Variants in ANKRD18A observed in about 807,000 individuals in gnomAD.
The protein encoded by ANKRD18A is ankyrin repeat domain-containing protein 18A.
In ANKRD18A, 72 loss-of-function variants were observed where a neutral mutation model predicts 110.6. That is an observed-to-expected ratio of 0.65 (90% CI 0.54 to 0.79). The LOEUF (loss-of-function observed/expected upper bound fraction) is 0.79. Among genes scored for constraint, ANKRD18A ranks in the 30% least tolerant of loss-of-function variants. The pLI, the probability that ANKRD18A is intolerant of heterozygous loss-of-function variation, is 0.00. For synonymous variants in ANKRD18A, 305 were observed against 410.3 expected (o/e 0.74, Z 3.10); for missense variants, 934 against 1,163.3 (o/e 0.80, Z 2.87).
chr9:38,583,845 GC>G (rs1209571798), intron 12 of ANKRD18A, among the ~76,000 whole-genome samples: 4 of 152,328 alleles, frequency 2.6e-5, no homozygotes, highest in Non-Finnish European at 5.9e-5. Flanking sequence ...GCAGGAGACA[GC>G]AAAATGCCTA....
chr9:38,577,303 T>G, intron 13 of ANKRD18A, 39 bp from the exon 14 acceptor site: 2 of 1,495,768 alleles, frequency 1.3e-6, no homozygotes, highest in Non-Finnish European at 1.8e-6. Flanking sequence ...AAAACAATTA[T>G]AAGTTAATTA....
At chr9:38,599,333 A>T (rs1282002070) in intron 8 of ANKRD18A, among the ~76,000 whole-genome samples, 1 of 152,250 alleles carries the variant, frequency 6.6e-6, no homozygotes, top group Non-Finnish European at 1.5e-5. Context: ...GATAGGATTC[A>T]TCAGATTACG....
At chr9:38,614,129 G>C (rs563554034) in intron 3 of ANKRD18A, among the ~76,000 whole-genome samples, 55 of 151,358 alleles carry the variant, frequency 3.6e-4, no homozygotes, top group Admixed American at 2.7e-3. Flanking sequence ...AACTCTTTTA[G>C]AGATTTCTTA....
chr9:38,610,232 C>A, intron 5 of ANKRD18A, 41 bp downstream of exon 5: 1 of 1,464,118 alleles, frequency 6.8e-7, no homozygotes, highest in Non-Finnish European at 9.0e-7. Flanking sequence ...TATTTTAAAC[C>A]TTAATTTAGT....
intron 12 of ANKRD18A, among the ~76,000 whole-genome samples, chr9:38,585,805 A>T (rs1323281234): frequency 1.3e-5 from 2 of 152,226 alleles, no homozygotes; most frequent in Non-Finnish European, 2.9e-5. Context: ...TGGTGTATAT[A>T]CATCATGGAA....
In ANKRD18A at chr9:38,593,913, A is replaced by C. The variant is rs1824762614; in HGVS notation, c.1855-4T>G. ...CTTGAAATTCTCTCACAATCACCTG[A>C]CAAAATATTTTTGTTACCAATTTTA... On this transcript the variant is annotated splice_region_variant and splice_polypyrimidine_tract_variant and intron_variant, in intron 9 of 15. Transcript: ENST00000399703. 6.8e-7 allele frequency: 1 copy of C among 1,465,984 alleles called. No homozygotes were observed. The highest frequency in any genetic ancestry group is 9.0e-7 in the Non-Finnish European group (1 of 1,110,564). 90.8% of individuals were successfully genotyped at this position (1,465,984 alleles called of 1,614,324 possible). A position where few individuals can be genotyped will look rare whatever the true frequency, so the allele number is the denominator to read the frequency against.
intron 8 of ANKRD18A, among the ~76,000 whole-genome samples, chr9:38,599,846 C>T (rs1214687654): frequency 3.9e-5 from 6 of 152,126 alleles, no homozygotes; most frequent in Admixed American, 6.5e-5. Flanking sequence ...GTTCTTGAGA[C>T]ATTTTTTTGC....
At chr9:38,610,994 A>C (rs1290445799) in intron 4 of ANKRD18A, among the ~76,000 whole-genome samples, 1 of 152,082 alleles carries the variant, frequency 6.6e-6, no homozygotes, top group Non-Finnish European at 1.5e-5. Context: ...CCAAATTACA[A>C]ATAACAGTCT....
At chr9:38,566,722 G>C (rs1823492249), downstream of ANKRD18A, 1 of 152,204 alleles carries the variant, frequency 6.6e-6, no homozygotes, top group African/African-American at 2.4e-5. Flanking sequence ...CTTCTGGGAG[G>C]CCTCAGAAAT....
chr9:38,610,607 C>G (rs1452589465), intron 4 of ANKRD18A, among the ~76,000 whole-genome samples, 197 bp from the exon 5 acceptor site: 1 of 152,142 alleles, frequency 6.6e-6, no homozygotes, highest in Non-Finnish European at 1.5e-5. Flanking sequence ...GGCTAAAAGG[C>G]AGGGACAACA....
chr9:38,599,793 T>A (rs1165369176), intron 8 of ANKRD18A, among the ~76,000 whole-genome samples: 2 of 152,180 alleles, frequency 1.3e-5, no homozygotes, highest in Non-Finnish European at 2.9e-5. Flanking sequence ...AAGTCCTGAA[T>A]ATACAGATAT....
Position 38,620,383 on chromosome 9 carries a change from C to T in ANKRD18A, c.-98G>A, listed in dbSNP as rs1826043194. On this transcript the variant is annotated 5_prime_UTR_variant, in exon 1 of 16. Coordinates refer to ENST00000399703, the MANE Select transcript of ANKRD18A (RefSeq NM_147195.4). Reference sequence around the variant, plus strand: ...TCCGCCCCAAATCCGCGATCTCCCCCGCAACCCGCGATCCCCCCCGCAACC... The same window carrying T: ...TCCGCCCCAAATCCGCGATCTCCCCTGCAACCCGCGATCCCCCCCGCAACC... 5 of 693,216 alleles carry T rather than the reference C, an allele frequency of 7.2e-6. No individual in the cohort carries two copies. Among genetic ancestry groups the T allele is most frequent in the African/African-American group, 2.0e-5 (1 of 50,392 alleles). The allele number at this position is 693,216 out of a possible 1,614,324, so 42.9% of individuals were successfully genotyped here.
intron 10 of ANKRD18A, among the ~76,000 whole-genome samples, chr9:38,591,059 C>G (rs1824625993): frequency 6.6e-6 from 1 of 152,054 alleles, no homozygotes; most frequent in Non-Finnish European, 1.5e-5. Flanking sequence ...ATTCTGAGCT[C>G]AAGCGACCCT....
Position 38,577,614 on chromosome 9 carries a change from C to A in ANKRD18A, c.2529+253G>T, listed in dbSNP as rs1349015494. On this transcript the variant is annotated intron_variant, in intron 13 of 15. Coordinates refer to ENST00000399703, the MANE Select transcript of ANKRD18A (RefSeq NM_147195.4). ...AAATCACAGTTTTCTCTTATGCCAC[C>A]TGGTCTTAATCATCAAATTCCCCCT... 6.6e-5 allele frequency among the ~76,000 whole-genome samples: 10 copies of A among 152,194 alleles called. No homozygotes were observed. The East Asian group carries it at 1.4e-3, about 21-fold the overall frequency.
chr9:38,607,901 A>G (rs1825430471), intron 5 of ANKRD18A, among the ~76,000 whole-genome samples: 1 of 152,380 alleles, frequency 6.6e-6, no homozygotes, highest in African/African-American at 2.4e-5. Flanking sequence ...ATGAGAAAAC[A>G]TGTTTAAATG....
chr9:38,607,536 T>C, intron 5 of ANKRD18A, 43 bp from the exon 6 acceptor site: 1 of 1,273,866 alleles, frequency 7.9e-7, no homozygotes, highest in South Asian at 1.7e-5. Flanking sequence ...TTAATAGTGA[T>C]ATGAAAAATA....
chr9:38,571,348 A>G, downstream of ANKRD18A: 1 of 846,978 alleles, frequency 1.2e-6, no homozygotes, highest in South Asian at 3.4e-5. Flanking sequence ...GGAGCACCAG[A>G]ATCATGAGCT....
intron 8 of ANKRD18A, among the ~76,000 whole-genome samples, chr9:38,597,178 T>A (rs746699651): frequency 7.2e-5 from 11 of 152,170 alleles, no homozygotes; most frequent in Non-Finnish European, 1.3e-4. Flanking sequence ...GGATTCTCCA[T>A]GAAATAGCCA....
intron 1 of ANKRD18A, among the ~76,000 whole-genome samples, chr9:38,616,612 T>C (rs1432425327): frequency 6.6e-6 from 1 of 152,084 alleles, no homozygotes; most frequent in Non-Finnish European, 1.5e-5. Flanking sequence ...ACCAGCATGA[T>C]CAGCTAATTT....
Sources: allele counts gnomAD v4.1 joint callset (sites outside exome capture counted in the v4.1 genomes callset), GRCh38; gene constraint gnomAD v4.1.1; transcripts MANE v1.5; gene names NCBI Gene and HGNC (gene_info 2026-07-23, HGNC 2026-07-21).